Variants in PRKACB observed in about 807,000 individuals in gnomAD.
PRKACB encodes cAMP-dependent protein kinase catalytic subunit beta.
Under a neutral mutation model 51.4 loss-of-function variants are expected in PRKACB, and 16 were observed. That is an observed-to-expected ratio of 0.31 (90% CI 0.21 to 0.47). The LOEUF (loss-of-function observed/expected upper bound fraction) is 0.47, where lower values mean the gene tolerates loss of function less well. PRKACB is among the 20% of genes least tolerant of loss of function. The pLI, the probability that PRKACB is intolerant of heterozygous loss-of-function variation, is 1.00. For synonymous variants in PRKACB, 147 were observed against 154.4 expected, an observed-to-expected ratio of 0.95 and a Z score of 0.35; for missense variants, 309 against 464.5, an observed-to-expected ratio of 0.67 and a Z score of 3.08.
intron 1 of PRKACB, among the ~76,000 whole-genome samples, chr1:84,119,002 GT>G (rs1650846161): frequency 3.9e-5 from 6 of 152,078 alleles, no homozygotes; most frequent in Admixed American, 3.9e-4. Flanking sequence ...ATTTTTTAAG[GT>G]AACTTCAAAG....
At chr1:84,189,796 A>G (rs1178503456) in intron 5 of PRKACB, among the ~76,000 whole-genome samples, 1 of 152,004 alleles carries the variant, frequency 6.6e-6, no homozygotes, top group Non-Finnish European at 1.5e-5. Context: ...TAAAAATCAC[A>G]ACCTTTTGCA....
At chr1:84,233,357 C>T (rs1204023809) in intron 9 of PRKACB, among the ~76,000 whole-genome samples, 1 of 145,658 alleles carries the variant, frequency 6.9e-6, no homozygotes, top group East Asian at 2.1e-4. Flanking sequence ...TTTTTTCCTT[C>T]ATTTCAACTT....
At chr1:84,109,708 A>T (rs1650061752) in intron 1 of PRKACB, among the ~76,000 whole-genome samples, 1 of 151,900 alleles carries the variant, frequency 6.6e-6, no homozygotes, top group Admixed American at 6.6e-5. Flanking sequence ...ATAGCCTCTC[A>T]TATTTTTACT....
At chr1:84,170,587 C>G (rs143259896) in intron 1 of PRKACB, among the ~76,000 whole-genome samples, 1 of 151,634 alleles carries the variant, frequency 6.6e-6, no homozygotes, top group South Asian at 2.1e-4. Flanking sequence ...GACACATTCT[C>G]AGACCAAGAC....
intron 1 of PRKACB, among the ~76,000 whole-genome samples, chr1:84,135,195 A>G (rs1472450894): frequency 2.0e-5 from 3 of 151,764 alleles, no homozygotes; most frequent in Non-Finnish European, 4.4e-5. Flanking sequence ...GGAGCATTAC[A>G]TACGTATTTG....
chr1:84,144,342 TA>T lies in PRKACB; in HGVS notation c.-17del. On this transcript the variant is annotated 5_prime_UTR_variant, in exon 1 of 10. Coordinates refer to ENST00000370685, the MANE Select transcript of PRKACB (RefSeq NM_182948.4). Reference sequence around the variant, plus strand: ...TGGAAACATTTGCAGTTACATTAAGTAAAGTGTAAATGCACATGAATGGCAG... The same window carrying T: ...TGGAAACATTTGCAGTTACATTAAGTAAGTGTAAATGCACATGAATGGCAG... 2 of 1,606,064 alleles carry T rather than the reference TA, an allele frequency of 1.2e-6. No individual in the cohort carries two copies. The highest frequency in any genetic ancestry group is 1.7e-6 in the Non-Finnish European group (2 of 1,177,330).
At chr1:84,108,918 A>G (rs552289090) in intron 1 of PRKACB, among the ~76,000 whole-genome samples, 1 of 152,004 alleles carries the variant, frequency 6.6e-6, no homozygotes, top group Admixed American at 6.6e-5. Flanking sequence ...TATTTCCCCA[A>G]TTCAAGGGTA....
chr1:84,169,739 A>C (rs1658768234), intron 1 of PRKACB, among the ~76,000 whole-genome samples: 1 of 151,706 alleles, frequency 6.6e-6, no homozygotes. Context: ...AGTTGAAGAA[A>C]AACTTGAATC....
intron 1 of PRKACB, among the ~76,000 whole-genome samples, chr1:84,128,547 T>A (rs1324227491): frequency 6.6e-6 from 1 of 152,204 alleles, no homozygotes; most frequent in East Asian, 1.9e-4. Context: ...TGAAAAAATA[T>A]GATATTGAAG....
chr1:84,170,610 C>T (rs371168108), intron 1 of PRKACB, among the ~76,000 whole-genome samples: 5 of 151,606 alleles, frequency 3.3e-5, no homozygotes, highest in South Asian at 2.1e-4. Context: ...GCAGGTTTCT[C>T]GCAGATAAAG....
At chr1:84,205,233 C>T (rs2101491165) in intron 8 of PRKACB, 1 of 984,746 alleles carries the variant, frequency 1.0e-6, no homozygotes, top group Non-Finnish European at 1.2e-6. Context: ...TTAAAAGGCT[C>T]TGTATTATGT....
intron 1 of PRKACB, among the ~76,000 whole-genome samples, chr1:84,114,871 AT>A (rs1438962508): frequency 6.6e-6 from 1 of 152,178 alleles, no homozygotes; most frequent in Admixed American, 6.5e-5. Context: ...ACAAGATTTC[AT>A]TTTTTTATGG....
upstream of PRKACB, among the ~76,000 whole-genome samples, chr1:84,143,171 C>T (rs182100963): frequency 1.3e-5 from 2 of 152,204 alleles, no homozygotes; most frequent in East Asian, 1.9e-4. Context: ...TTTGGCCAGG[C>T]GCGGTGGCTC....
intron 1 of PRKACB, among the ~76,000 whole-genome samples, chr1:84,154,230 C>A (rs1206288901): frequency 4.6e-5 from 7 of 151,998 alleles, no homozygotes; most frequent in Non-Finnish European, 2.9e-5. Context: ...TGTTTTCTTG[C>A]TATTGAGTTG....
At chr1:84,088,496 T>C (rs530049553) in intron 1 of PRKACB, among the ~76,000 whole-genome samples, 2 of 152,322 alleles carry the variant, frequency 1.3e-5, no homozygotes, top group South Asian at 2.1e-4. Flanking sequence ...GCCATTGTTA[T>C]ATGTGAGCCA....
At chr1:84,111,193 C>T (rs1650199302) in intron 1 of PRKACB, among the ~76,000 whole-genome samples, 1 of 152,056 alleles carries the variant, frequency 6.6e-6, no homozygotes, top group Middle Eastern at 3.4e-3. Context: ...TATCTTGTTT[C>T]ATTTTTTCCC....
intron 9 of PRKACB, among the ~76,000 whole-genome samples, chr1:84,222,186 T>C (rs1172542204): frequency 6.6e-6 from 1 of 152,138 alleles, no homozygotes; most frequent in Non-Finnish European, 1.5e-5. Flanking sequence ...CTTCTTTGTC[T>C]CATTTTACTG....
intron 1 of PRKACB, among the ~76,000 whole-genome samples, chr1:84,103,065 C>T (rs779941966): frequency 3.3e-5 from 5 of 152,130 alleles, no homozygotes; most frequent in Non-Finnish European, 7.3e-5. Context: ...CTCATCTATA[C>T]CTGCATTTGA....
chr1:84,192,891 G>A (rs79120281), intron 5 of PRKACB, among the ~76,000 whole-genome samples: 2,211 of 152,100 alleles, frequency 0.015, 61 homozygotes, highest in African/African-American at 0.049. Context: ...TAGGTGATTC[G>A]GTTTAATGCC....
Sources: allele counts gnomAD v4.1 joint callset (sites outside exome capture counted in the v4.1 genomes callset), GRCh38; gene constraint gnomAD v4.1.1; transcripts MANE v1.5; gene names NCBI Gene and HGNC (gene_info 2026-07-23, HGNC 2026-07-21).